Variants in KIF26B observed in about 807,000 individuals in gnomAD.
KIF26B encodes the protein kinesin-like protein KIF26B.
Under a neutral mutation model 151.2 loss-of-function variants are expected in KIF26B, and 63 were observed. The ratio of observed to expected loss-of-function variants is 0.42; its 90% CI spans 0.34 to 0.51. The LOEUF (loss-of-function observed/expected upper bound fraction) is 0.51, where lower values mean the gene tolerates loss of function less well. KIF26B is among the 20% of genes least tolerant of loss of function. The probability of loss-of-function intolerance (pLI) is 0.07; values close to 1 mark genes in which losing one functional copy is unlikely to be tolerated. For missense variants in KIF26B, 2,813 were observed against 2,913.6 expected (o/e 0.97, Z 0.79); for synonymous variants, 1,357 against 1,262.1 (o/e 1.08, Z -1.59).
rs150532840 is a variant in KIF26B, at chr1:245,370,991, G to A, written c.999+3624G>A. On this transcript the variant is annotated intron_variant, in intron 3 of 14. Transcript: ENST00000407071. ...GAGTGCAGAGGTGAAGAGATGCCGC[G>A]GTGCTTTGGGGGCATGCAGACAGGC... Among the ~76,000 whole-genome samples, 587 of 152,232 alleles carry A rather than the reference G, an allele frequency of 3.9e-3. 4 individuals are homozygous for A. The highest frequency in any genetic ancestry group is 6.2e-3 in the Non-Finnish European group (420 of 68,014).
chr1:245,564,939 C>A lies in KIF26B; in HGVS notation c.1350+23989C>A, dbSNP rs2042994608. Among the ~76,000 whole-genome samples the A allele has an allele frequency of 6.6e-6, 1 of 152,196 alleles. No individual in the cohort carries two copies. The highest frequency in any genetic ancestry group is 1.5e-5 in the Non-Finnish European group (1 of 68,030). ...GGCAGAGTTCAAGTGGTAACGCTTA[C>A]CTTCTGCTGTGTGGCCTGCTTCTTA... On this transcript the variant is annotated intron_variant, in intron 5 of 14. Coordinates refer to ENST00000407071, the MANE Select transcript of KIF26B (RefSeq NM_018012.4). The surrounding 1 kb of genome is among the most constrained non-coding windows in gnomAD (Gnocchi z 4.6).
At chr1:245,684,008 G>C (rs1266060682) in intron 10 of KIF26B, among the ~76,000 whole-genome samples, 1 of 152,208 alleles carries the variant, frequency 6.6e-6, no homozygotes, top group Non-Finnish European at 1.5e-5. Flanking sequence ...AAGCGCCAAG[G>C]GAGGTGCTTT....
Position 245,708,642 on chromosome 1 carries a change from A to T in KIF26B, c.*6036A>T, listed in dbSNP as rs201790187. ...CTTTGCCAGTCATCCTGTCCGTGAT[A>T]TATTCCATAGGACAGAAAACCTGAG... On this transcript the variant is annotated 3_prime_UTR_variant, in exon 15 of 15. Transcript: ENST00000407071. The T allele has an allele frequency of 6.6e-6, 1 of 152,164 alleles. No homozygotes were observed. Among genetic ancestry groups the T allele is most frequent in the East Asian group, 1.9e-4 (1 of 5,194 alleles). The allele number at this position is 152,164 out of a possible 1,614,324, so 9.4% of individuals were successfully genotyped here.
intron 2 of KIF26B, among the ~76,000 whole-genome samples, chr1:245,298,858 C>T (rs1193294639): frequency 1.3e-5 from 2 of 152,188 alleles, no homozygotes; most frequent in South Asian, 2.1e-4. Flanking sequence ...CGAGCTGTTT[C>T]GCTAGCATTC....
At chr1:245,236,638 T>C (rs917405999) in intron 2 of KIF26B, among the ~76,000 whole-genome samples, 1 of 152,242 alleles carries the variant, frequency 6.6e-6, no homozygotes, top group Non-Finnish European at 1.5e-5. Flanking sequence ...AATTTTATAA[T>C]GCATGCGACT....
At chr1:245,554,184 G>T (rs1276825120) in intron 5 of KIF26B, among the ~76,000 whole-genome samples, 1 of 152,012 alleles carries the variant, frequency 6.6e-6, no homozygotes, top group African/African-American at 2.4e-5. Context: ...CCACTCTGTT[G>T]CTGTCACCGC....
In KIF26B at chr1:245,702,464, TGGAGCAGGTTTG is replaced by T; in HGVS notation, c.6191_6202del (p.Gln2064_Glu2067del). On this transcript the variant is annotated inframe_deletion, in exon 15 of 15. Coordinates refer to ENST00000407071, the MANE Select transcript of KIF26B (RefSeq NM_018012.4). The surrounding 1 kb of genome is among the most constrained non-coding windows in gnomAD (Gnocchi z 4.1). ...GGCTCTTCCTCTCTTGCAGTTGACT[TGGAGCAGGTTTG>T]GGAGCTGGATTCCCTGGAGTACCTG... The T allele has an allele frequency of 6.2e-7, 1 of 1,613,888 alleles. No homozygotes were observed. Among genetic ancestry groups the T allele is most frequent in the African/African-American group, 1.3e-5 (1 of 75,024 alleles).
chr1:245,695,910 C>T (rs1328609912), intron 12 of KIF26B, among the ~76,000 whole-genome samples: 4 of 144,222 alleles, frequency 2.8e-5, no homozygotes, highest in Non-Finnish European at 1.5e-5. Context: ...CCAGCTCACA[C>T]GGTGCCCTGG....
At chr1:245,701,327 C>A (rs188455474) in intron 14 of KIF26B, among the ~76,000 whole-genome samples, 35 of 152,286 alleles carry the variant, frequency 2.3e-4, no homozygotes, top group African/African-American at 8.2e-4. Flanking sequence ...ATTTTTAGTT[C>A]TATTATTTCT....
intron 5 of KIF26B, among the ~76,000 whole-genome samples, chr1:245,561,022 T>TA (rs1205331497): frequency 1.6e-4 from 25 of 152,026 alleles, no homozygotes; most frequent in African/African-American, 5.6e-4. Flanking sequence ...CCAGACCCCT[T>TA]AGGAGAAACC....
chr1:245,673,022 C>CTGCACGCTGCCATCTTA (rs1444653702), intron 10 of KIF26B, among the ~76,000 whole-genome samples: 1 of 152,152 alleles, frequency 6.6e-6, no homozygotes, highest in Non-Finnish European at 1.5e-5. Context: ...CCAGTCCCCA[C>CTGCACGCTGCCATCTTA]GGCGCGCTGC....
intron 2 of KIF26B, among the ~76,000 whole-genome samples, chr1:245,338,914 T>G (rs2102994847): frequency 6.6e-6 from 1 of 152,148 alleles, no homozygotes; most frequent in Non-Finnish European, 1.5e-5. Flanking sequence ...GTGGGATATT[T>G]CATTGGTACT....
intron 4 of KIF26B, among the ~76,000 whole-genome samples, chr1:245,522,078 C>T (rs1008191035): frequency 5.3e-5 from 8 of 152,066 alleles, no homozygotes; most frequent in African/African-American, 1.7e-4. Flanking sequence ...ACCGTGTTAG[C>T]CAGGATGGTC....
intron 3 of KIF26B, among the ~76,000 whole-genome samples, chr1:245,393,057 G>C (rs188151590): frequency 3.7e-4 from 57 of 152,224 alleles, no homozygotes; most frequent in African/African-American, 1.3e-3. Flanking sequence ...TGTAATCCTA[G>C]CTACTCGGGA....
chr1:245,508,763 T>G lies in KIF26B; in HGVS notation c.1167-32004T>G, dbSNP rs557674779. On this transcript the variant is annotated intron_variant, in intron 4 of 14. Coordinates refer to ENST00000407071, the MANE Select transcript of KIF26B (RefSeq NM_018012.4). ...TCACCATTAATGGAAGTGTGACACC[T>G]TTCTGAGTCCCAAATGTATCGGTTT... 2.6e-5 allele frequency among the ~76,000 whole-genome samples: 4 copies of G among 152,294 alleles called. No individual in the cohort carries two copies. In the East Asian group the frequency reaches 5.8e-4, roughly 22 times the overall value.
chr1:245,172,226 G>A (rs1220780689), intron 2 of KIF26B, among the ~76,000 whole-genome samples: 1 of 151,912 alleles, frequency 6.6e-6, no homozygotes, highest in Admixed American at 6.5e-5. Context: ...TGGGGGGGGT[G>A]GGTACAGAAG....
At chr1:245,556,670 G>C (rs1258156852) in intron 5 of KIF26B, among the ~76,000 whole-genome samples, 1 of 151,134 alleles carries the variant, frequency 6.6e-6, no homozygotes, top group African/African-American at 2.4e-5. Context: ...CCAAAGTGCT[G>C]GGATTACAGG....
At chr1:245,559,991 T>C (rs938763983) in intron 5 of KIF26B, among the ~76,000 whole-genome samples, 4 of 152,158 alleles carry the variant, frequency 2.6e-5, no homozygotes, top group African/African-American at 9.7e-5. Flanking sequence ...GTTCATCTGC[T>C]GTCGTCTCTG....
rs934339030 is a variant in KIF26B at position 245,241,693 on chromosome 1, C to T, written c.465+85010C>T. Among the ~76,000 whole-genome samples the T allele has an allele frequency of 1.3e-5, 2 of 152,228 alleles. No individual in the cohort carries two copies. Among genetic ancestry groups the T allele is most frequent in the African/African-American group, 4.8e-5 (2 of 41,460 alleles). The stretch of plus-strand genomic sequence containing the variant: ...GGAACAGCTGCTATGGCGGCGGACA[C>T]AGCCCCGTCCAGGGCCCATGGCAGC... On this transcript the variant is annotated intron_variant, in intron 2 of 14. Coordinates refer to ENST00000407071, the MANE Select transcript of KIF26B (RefSeq NM_018012.4). This position sits in a 1 kb window ranked among gnomAD's most constrained non-coding sequence, Gnocchi z 5.0.
Sources: gnomAD v4.1 joint callset for allele counts (sites outside exome capture counted in the v4.1 genomes callset) on GRCh38, gnomAD v4.1.1 for gene constraint, Gnocchi (gnomAD v3.1) non-coding constraint, MANE v1.5 for transcripts, NCBI Gene and HGNC (gene_info 2026-07-23, HGNC 2026-07-21) for gene names.